The following DLC1 variants were observed in gnomAD, a reference collection of about 807,000 sequenced individuals.
The protein encoded by DLC1 is rho GTPase-activating protein 7.
Under a neutral mutation model 140.3 loss-of-function variants are expected in DLC1, and 54 were observed. The ratio of observed to expected loss-of-function variants is 0.38; its 90% CI spans 0.31 to 0.48. The LOEUF is 0.48. Among genes scored for constraint, DLC1 ranks in the 20% least tolerant of loss-of-function variants. The pLI, the probability that DLC1 is intolerant of heterozygous loss-of-function variation, is 0.96. For synonymous variants in DLC1, 986 were observed against 728.1 expected (o/e 1.35, Z -5.70); for missense variants, 2,536 against 1,907.0 (o/e 1.33, Z -6.14).
chr8:13,536,601 G>A (rs1803295176), intron 1 of DLC1, among the ~76,000 whole-genome samples: 1 of 152,054 alleles, frequency 6.6e-6, no homozygotes, highest in African/African-American at 2.4e-5. Flanking sequence ...CTTTACCCTG[G>A]CAGGGTGTTC....
intron 1 of DLC1, among the ~76,000 whole-genome samples, chr8:13,591,505 G>C (rs759838633): frequency 6.6e-6 from 1 of 152,084 alleles, no homozygotes; most frequent in Non-Finnish European, 1.5e-5. Context: ...TAAGTTTCCT[G>C]AGGCCTCCCT....
intron 4 of DLC1, among the ~76,000 whole-genome samples, chr8:13,346,627 C>T (rs73663594): frequency 0.022 from 3,396 of 152,268 alleles, 127 homozygotes; most frequent in African/African-American, 0.077. Context: ...AGCATAGTTC[C>T]TCGAATGTAA....
At chr8:13,541,296 C>A (rs1285854396) in intron 1 of DLC1, among the ~76,000 whole-genome samples, 1 of 152,098 alleles carries the variant, frequency 6.6e-6, no homozygotes, top group Admixed American at 6.5e-5. Flanking sequence ...GATGTGTTTT[C>A]TTTCTCTTAA....
chr8:13,161,690 T>G (rs1230812621), intron 5 of DLC1, among the ~76,000 whole-genome samples: 2 of 152,204 alleles, frequency 1.3e-5, no homozygotes, highest in Non-Finnish European at 2.9e-5. Context: ...CTGGTTTATA[T>G]GTACCTCTGT....
At chr8:13,566,094 C>G (rs1804417472) in intron 1 of DLC1, among the ~76,000 whole-genome samples, 1 of 151,854 alleles carries the variant, frequency 6.6e-6, no homozygotes. Flanking sequence ...GTCGGCAACA[C>G]CGACATGATT....
intron 5 of DLC1, among the ~76,000 whole-genome samples, chr8:13,277,562 T>G (rs1486512939): frequency 6.6e-6 from 1 of 152,316 alleles, no homozygotes; most frequent in African/African-American, 2.4e-5. Context: ...CCAAGCACTA[T>G]GAAATCAAAA....
At chr8:13,354,781 C>A (rs369146171) in intron 4 of DLC1, among the ~76,000 whole-genome samples, 67 of 142,110 alleles carry the variant, frequency 4.7e-4, no homozygotes, top group Admixed American at 6.3e-4. Context: ...CCCATCTCTA[C>A]AAAAAATAAA....
intron 5 of DLC1, among the ~76,000 whole-genome samples, chr8:13,117,192 C>G (rs1174006367): frequency 2.0e-5 from 3 of 152,208 alleles, no homozygotes; most frequent in Non-Finnish European, 2.9e-5. Flanking sequence ...GGAAATTAGA[C>G]TGGGTGTGGT....
intron 6 of DLC1, among the ~76,000 whole-genome samples, chr8:13,111,679 G>T (rs751538016): frequency 7.2e-5 from 11 of 152,064 alleles, no homozygotes; most frequent in Non-Finnish European, 1.3e-4. Context: ...CTGGATAAAG[G>T]CAAGTTATCA....
At chr8:13,363,667 A>G (rs1277273358) in intron 4 of DLC1, among the ~76,000 whole-genome samples, 1 of 152,186 alleles carries the variant, frequency 6.6e-6, no homozygotes, top group Admixed American at 6.5e-5. Flanking sequence ...AAAACAAACA[A>G]AAAAAACCAA....
chr8:13,137,690 C>G (rs563752108), intron 5 of DLC1, among the ~76,000 whole-genome samples: 1 of 151,656 alleles, frequency 6.6e-6, no homozygotes, highest in Admixed American at 6.6e-5. Context: ...CAACCTCCGC[C>G]TCTGGTTTAA....
intron 5 of DLC1, among the ~76,000 whole-genome samples, chr8:13,230,054 G>T (rs1346797167): frequency 1.3e-5 from 2 of 152,188 alleles, no homozygotes; most frequent in African/African-American, 4.8e-5. Context: ...GCTCATAAAG[G>T]ACACTGGGAA....
At chr8:13,556,485 G>T (rs1481598) in intron 1 of DLC1, among the ~76,000 whole-genome samples, 10,305 of 152,210 alleles carry the variant, frequency 0.068, 566 homozygotes, top group Admixed American at 0.17. Context: ...ACCCGGCAGG[G>T]GGTCCAGACA....
intron 4 of DLC1, among the ~76,000 whole-genome samples, chr8:13,382,588 G>A (rs1322873316): frequency 6.8e-6 from 1 of 147,612 alleles, no homozygotes; most frequent in African/African-American, 2.5e-5. Flanking sequence ...GCCAGAATTT[G>A]TTGGATTCAA....
At chr8:13,167,042 T>C (rs927060659) in intron 5 of DLC1, among the ~76,000 whole-genome samples, 5 of 151,846 alleles carry the variant, frequency 3.3e-5, no homozygotes, top group African/African-American at 1.2e-4. Context: ...ACCCAGAAAA[T>C]GGATTGAATT....
chr8:13,264,840 A>C (rs1472215619), intron 5 of DLC1, among the ~76,000 whole-genome samples: 1 of 152,260 alleles, frequency 6.6e-6, no homozygotes, highest in Non-Finnish European at 1.5e-5. Flanking sequence ...AAAAACAATG[A>C]GTATGTTATG....
intron 2 of DLC1, among the ~76,000 whole-genome samples, chr8:13,414,985 G>C (rs936344530): frequency 6.6e-6 from 1 of 151,782 alleles, no homozygotes. Context: ...TAATTTTTTT[G>C]TTATTTATAG....
intron 4 of DLC1, among the ~76,000 whole-genome samples, chr8:13,384,380 G>T (rs192936726): frequency 3.3e-5 from 4 of 122,768 alleles, no homozygotes; most frequent in Non-Finnish European, 7.7e-5. Flanking sequence ...GAGCGTGCGC[G>T]TGTGTGTGTA....
intron 5 of DLC1, chr8:13,116,297 G>A: frequency 2.2e-6 from 2 of 908,360 alleles, no homozygotes; most frequent in African/African-American, 1.8e-5. Context: ...CTACCTCCCT[G>A]TGGTTTCACA....
Sources: allele counts gnomAD v4.1 joint callset (sites outside exome capture counted in the v4.1 genomes callset), GRCh38; gene constraint gnomAD v4.1.1; transcripts MANE v1.5; gene names NCBI Gene and HGNC (gene_info 2026-07-23, HGNC 2026-07-21).